GRIP1: variants seen among roughly 807,000 people sequenced by gnomAD.
GRIP1 encodes glutamate receptor-interacting protein 1.
Under a neutral mutation model 129.9 loss-of-function variants are expected in GRIP1, and 45 were observed. The observed-to-expected ratio is 0.35, with a 90% confidence interval of 0.27 to 0.44. GRIP1 has a LOEUF of 0.44. Among genes scored for constraint, GRIP1 ranks in the 20% least tolerant of loss-of-function variants. The pLI, the probability that GRIP1 is intolerant of heterozygous loss-of-function variation, is 1.00. For synonymous variants in GRIP1, 530 were observed against 520.8 expected, an observed-to-expected ratio of 1.02 and a Z score of -0.24; for missense variants, 1,196 against 1,396.8, an observed-to-expected ratio of 0.86 and a Z score of 2.29.
intron 1 of GRIP1, among the ~76,000 whole-genome samples, chr12:66,883,795 T>C (rs992032943): frequency 6.6e-6 from 1 of 152,232 alleles, no homozygotes; most frequent in Non-Finnish European, 1.5e-5. Context: ...CAGATCGGGT[T>C]TCAGCTCTGT....
At chr12:66,582,939 G>A (rs1460400514) in intron 2 of GRIP1, among the ~76,000 whole-genome samples, 36 of 149,918 alleles carry the variant, frequency 2.4e-4, no homozygotes, top group Non-Finnish European at 4.6e-4. Context: ...AAAAGAGCCC[G>A]CATCGCCAAG....
At chr12:66,946,560 C>G (rs1204545858) in intron 1 of GRIP1, among the ~76,000 whole-genome samples, 3 of 151,778 alleles carry the variant, frequency 2.0e-5, no homozygotes, top group Admixed American at 2.0e-4. Context: ...TAGTTATTCT[C>G]AAATTTTAGC....
At chr12:66,697,107 A>G (rs1432155605) in intron 1 of GRIP1, among the ~76,000 whole-genome samples, 1 of 152,218 alleles carries the variant, frequency 6.6e-6, no homozygotes, top group African/African-American at 2.4e-5. Flanking sequence ...TAGTGAATGA[A>G]TGAAGGAACA....
chr12:66,838,651 G>C (rs779701455), intron 1 of GRIP1, among the ~76,000 whole-genome samples: 4 of 152,236 alleles, frequency 2.6e-5, no homozygotes, highest in Non-Finnish European at 5.9e-5. Flanking sequence ...TACAAGGACA[G>C]AGCATCACCC....
Position 67,053,044 on chromosome 12 carries a change from C to T in GRIP1, c.58+16006G>A, listed in dbSNP as rs2043374081. Among the ~76,000 whole-genome samples, 5 of 152,250 alleles carry T rather than the reference C, an allele frequency of 3.3e-5. No individual in the cohort carries two copies. The South Asian group carries it at 6.2e-4, about 19-fold the overall frequency. ...TCAGTGAATATTCATTCTTCATCCACTGCATATATCCCAGATCTAACTGAC... is the reference window on the plus strand; with the variant it reads ...TCAGTGAATATTCATTCTTCATCCATTGCATATATCCCAGATCTAACTGAC... On this transcript the variant is annotated intron_variant, in intron 1 of 1. Coordinates refer to the GRIP1 transcript ENST00000643019.
Position 67,022,701 on chromosome 12 carries a change from CT to C in GRIP1, c.58+46348del, listed in dbSNP as rs1290692059. Among the ~76,000 whole-genome samples the C allele has an allele frequency of 2.0e-5, 3 of 152,022 alleles. No individual in the cohort carries two copies. The East Asian group carries it at 5.8e-4, about 29-fold the overall frequency. The stretch of plus-strand genomic sequence containing the variant: ...CCTAATGACTAATAATGTTGAGTAT[CT>C]TTTTTTTATTTCAACTTTTATTTTA... On this transcript the variant is annotated intron_variant, in intron 1 of 1. Coordinates refer to the GRIP1 transcript ENST00000643019.
chr12:66,902,496 C>A (rs538626536), intron 1 of GRIP1, among the ~76,000 whole-genome samples: 1 of 152,266 alleles, frequency 6.6e-6, no homozygotes, highest in East Asian at 1.9e-4. Context: ...AGCAGTCTCC[C>A]AGATGTCATT....
At chr12:66,610,702 A>G (rs941341996) in intron 1 of GRIP1, among the ~76,000 whole-genome samples, 2 of 152,188 alleles carry the variant, frequency 1.3e-5, no homozygotes, top group African/African-American at 4.8e-5. Context: ...ACAGCCTACA[A>G]ATATGAAACA....
intron 2 of GRIP1, 142 bp from the exon 3 acceptor site, chr12:66,542,092 T>C: frequency 1.2e-6 from 1 of 810,596 alleles, no homozygotes; most frequent in Non-Finnish European, 2.1e-6. Flanking sequence ...GAAGAATATT[T>C]CATAAAGATG....
At chr12:66,461,739 C>G (rs10219465) in intron 9 of GRIP1, among the ~76,000 whole-genome samples, 40,867 of 152,050 alleles carry the variant, frequency 0.27, 6,461 homozygotes, top group African/African-American at 0.43. Context: ...TCTTTCCCCC[C>G]GCCCCAGACT....
chr12:66,961,716 G>A, intron 1 of GRIP1, among the ~76,000 whole-genome samples: 1 of 151,866 alleles, frequency 6.6e-6, no homozygotes, highest in South Asian at 2.1e-4. Flanking sequence ...ACTTACATAG[G>A]CATTTGTTTA....
chr12:66,944,244 C>T (rs1188667096), intron 1 of GRIP1, among the ~76,000 whole-genome samples: 1 of 152,114 alleles, frequency 6.6e-6, no homozygotes, highest in Non-Finnish European at 1.5e-5. Context: ...TCTCAAAGGT[C>T]CTCCCAGCTC....
chr12:66,928,461 T>C (rs1390475085), intron 1 of GRIP1, among the ~76,000 whole-genome samples: 1 of 152,218 alleles, frequency 6.6e-6, no homozygotes, highest in Non-Finnish European at 1.5e-5. Flanking sequence ...TTTCTTTGAA[T>C]TGACCAGGAG....
At chr12:66,612,052 T>C (rs559894165) in intron 1 of GRIP1, among the ~76,000 whole-genome samples, 2 of 152,294 alleles carry the variant, frequency 1.3e-5, no homozygotes, top group African/African-American at 2.4e-5. Context: ...ATCTCTCAAA[T>C]AGGAATACTA....
chr12:66,891,105 T>A (rs1026666541), intron 1 of GRIP1, among the ~76,000 whole-genome samples: 4 of 152,234 alleles, frequency 2.6e-5, no homozygotes, highest in African/African-American at 9.6e-5. Context: ...GAATTTGTCT[T>A]AATGAAGTAA....
chr12:66,522,758 G>C (rs1477730548), intron 5 of GRIP1, among the ~76,000 whole-genome samples: 2 of 152,000 alleles, frequency 1.3e-5, no homozygotes, highest in East Asian at 3.9e-4. Flanking sequence ...TCAAACCAAT[G>C]GCAAAGAAGT....
intron 1 of GRIP1, among the ~76,000 whole-genome samples, chr12:66,886,341 A>C (rs531098069): frequency 6.6e-6 from 1 of 152,308 alleles, no homozygotes; most frequent in Admixed American, 6.5e-5. Context: ...CATGAGAAAC[A>C]TAATAAAATG....
chr12:67,009,889 T>C (rs2042680102), intron 1 of GRIP1, among the ~76,000 whole-genome samples: 3 of 152,156 alleles, frequency 2.0e-5, no homozygotes, highest in Non-Finnish European at 4.4e-5. Flanking sequence ...GCCCATCACA[T>C]ACACCAGCAT....
At chr12:66,447,275 A>T (rs950203524) in intron 11 of GRIP1, among the ~76,000 whole-genome samples, 2 of 152,124 alleles carry the variant, frequency 1.3e-5, no homozygotes, top group Non-Finnish European at 2.9e-5. Flanking sequence ...ATTTTCCTAT[A>T]CCCTAATACT....
Sources: allele counts gnomAD v4.1 joint callset (sites outside exome capture counted in the v4.1 genomes callset), GRCh38; gene constraint gnomAD v4.1.1; transcripts MANE v1.5; gene names NCBI Gene and HGNC (gene_info 2026-07-23, HGNC 2026-07-21).